LZTS1: variants seen among roughly 807,000 people sequenced by gnomAD.
LZTS1 encodes the protein leucine zipper tumor suppressor 1, also known as leucine zipper putative tumor suppressor 1.
Under a neutral mutation model 45.8 loss-of-function variants are expected in LZTS1, and 31 were observed. That is an observed-to-expected ratio of 0.68 (90% CI 0.51 to 0.91). The LOEUF is 0.91. Among genes scored for constraint, LZTS1 ranks in the 40% least tolerant of loss-of-function variants. The pLI, the probability that LZTS1 is intolerant of heterozygous loss-of-function variation, is 0.00. For synonymous variants in LZTS1, 359 were observed against 357.3 expected, an observed-to-expected ratio of 1.00 and a Z score of -0.05; for missense variants, 821 against 788.9, an observed-to-expected ratio of 1.04 and a Z score of -0.49.
In LZTS1 at chr8:20,265,015, G is replaced by C. The variant is rs889481035; in HGVS notation, c.-134-9700C>G. ...TTCAGCCTGTTGGGCTCACGGTGCT[G>C]CTTGAATCAGAGAGGGTCACCCTGT... On this transcript the variant is annotated intron_variant, in intron 1 of 3. Transcript: ENST00000381569. Among the ~76,000 whole-genome samples, 3 of 152,136 alleles carry C rather than the reference G, an allele frequency of 2.0e-5. No individual in the cohort carries two copies. In the East Asian group the frequency reaches 5.8e-4, roughly 29 times the overall value.
chr8:20,286,317 A>G (rs1800791290), intron 1 of LZTS1, among the ~76,000 whole-genome samples: 1 of 152,218 alleles, frequency 6.6e-6, no homozygotes, highest in African/African-American at 2.4e-5. Context: ...CCAAATTTAA[A>G]ATGAGCAAAA....
Position 20,249,591 on chromosome 8 carries a change from CG to C in LZTS1, c.*130del. 1 of 1,169,188 alleles carries C rather than the reference CG, an allele frequency of 8.6e-7. No individual in the cohort carries two copies. The highest frequency in any genetic ancestry group is 1.2e-6 in the Non-Finnish European group (1 of 847,830). The allele number at this position is 1,169,188 out of a possible 1,614,324, so 72.4% of individuals were successfully genotyped here. ...AGGAAAGGCCATCCTGCCCTCCCCT[CG>C]GGGGTCCTGGGTCTGTGTCCCAGGG... On this transcript the variant is annotated 3_prime_UTR_variant, in exon 4 of 4. Transcript: ENST00000381569.
chr8:20,250,078 G>A lies in LZTS1; in HGVS notation c.1435C>T (p.Arg479Trp), dbSNP rs1461997371. The A allele has an allele frequency of 7.5e-6, 12 of 1,606,338 alleles. No individual in the cohort carries two copies. Among genetic ancestry groups the A allele is most frequent in the East Asian group, 4.5e-5 (2 of 44,836 alleles). Residue 479 changes from arginine (R) to tryptophan (W), a missense_variant, in exon 4 of 4, where the codon CGG becomes TGG. Coordinates refer to ENST00000381569, the MANE Select transcript of LZTS1 (RefSeq NM_021020.5). ...NLLEQELQEL[R>W]AQAALARDMG... ...TCGCGGGCCAGGGCGGCCTGGGCCC[G>A]CAGCTCCTGCAGCTCCTGCTCCAGC...
intron 1 of LZTS1, among the ~76,000 whole-genome samples, chr8:20,258,804 T>C (rs1203446663): frequency 1.3e-5 from 2 of 152,222 alleles, no homozygotes; most frequent in Admixed American, 1.3e-4. Context: ...CCATCATCCC[T>C]ATGGATCTGG....
At position 20,272,710 on chromosome 8, in the gene LZTS1, G is replaced by T. The variant is rs531943286; in HGVS notation, c.-134-17395C>A. ...TGGGAGGAAACTCCCTCAATTCCCT[G>T]AACTCATAAACCTGCAATTGACATG... is the stretch of plus-strand genomic sequence containing the variant. On this transcript the variant is annotated intron_variant, in intron 1 of 3. Coordinates refer to ENST00000381569, the MANE Select transcript of LZTS1 (RefSeq NM_021020.5). Among the ~76,000 whole-genome samples the T allele has an allele frequency of 4.6e-5, 7 of 152,276 alleles. No individual in the cohort carries two copies. In the East Asian group the frequency reaches 9.7e-4, roughly 21 times the overall value.
chr8:20,294,641 T>G (rs1451861703), intron 1 of LZTS1, among the ~76,000 whole-genome samples: 1 of 152,110 alleles, frequency 6.6e-6, no homozygotes, highest in Non-Finnish European at 1.5e-5. Context: ...CGCTGTCCAG[T>G]CCATGCTTCC....
intron 1 of LZTS1, among the ~76,000 whole-genome samples, chr8:20,290,915 T>C (rs1001605348): frequency 6.6e-6 from 1 of 152,170 alleles, no homozygotes; most frequent in African/African-American, 2.4e-5. Context: ...GTCTGTCCCA[T>C]GCACGGGCTT....
At chr8:20,287,542 G>A (rs1403183159) in intron 1 of LZTS1, among the ~76,000 whole-genome samples, 1 of 152,194 alleles carries the variant, frequency 6.6e-6, no homozygotes. Flanking sequence ...CTCCTCTGCA[G>A]AATCTGTGCC....
intron 3 of LZTS1, 61 bp from the exon 4 acceptor site, chr8:20,250,424 A>T: frequency 6.7e-7 from 1 of 1,490,374 alleles, no homozygotes; most frequent in Non-Finnish European, 8.9e-7. Context: ...CAGGGAAGTG[A>T]CAGCTCAGCT....
chr8:20,265,808 G>A (rs957883292), intron 1 of LZTS1, among the ~76,000 whole-genome samples: 6 of 151,116 alleles, frequency 4.0e-5, no homozygotes, highest in East Asian at 1.9e-4. Flanking sequence ...CCTGCTCTGC[G>A]CAGAGGGCAG....
intron 1 of LZTS1, among the ~76,000 whole-genome samples, chr8:20,295,687 C>G (rs984998615): frequency 6.6e-6 from 1 of 152,148 alleles, no homozygotes; most frequent in Non-Finnish European, 1.5e-5. Context: ...GTGACAAGTA[C>G]GTTATACACT....
rs201291719 is a variant in LZTS1, at chr8:20,301,677, C to A, written c.-135+2063G>T. 1.6e-4 allele frequency among the ~76,000 whole-genome samples: 25 copies of A among 152,254 alleles called. No individual in the cohort carries two copies. The East Asian group carries it at 4.8e-3, about 29-fold the overall frequency. The stretch of plus-strand genomic sequence containing the variant: ...TAGCTTTGCTATACACGCTGACCCA[C>A]GGCTTCTCAAAACTGAAAGGCACAT... On this transcript the variant is annotated intron_variant, in intron 1 of 3. Coordinates refer to ENST00000381569, the MANE Select transcript of LZTS1 (RefSeq NM_021020.5).
At chr8:20,289,611 T>C (rs1800862704) in intron 1 of LZTS1, among the ~76,000 whole-genome samples, 1 of 152,142 alleles carries the variant, frequency 6.6e-6, no homozygotes, top group African/African-American at 2.4e-5. Flanking sequence ...GGCTCTGGGT[T>C]TGTGTGGCCA....
rs562861660 is a variant in LZTS1 at position 20,278,085 on chromosome 8, G to C, written c.-134-22770C>G. On this transcript the variant is annotated intron_variant, in intron 1 of 3. Coordinates refer to ENST00000381569, the MANE Select transcript of LZTS1 (RefSeq NM_021020.5). ...TGTCAGGTGACCATCAGATGGTCAG[G>C]TGGTTGTTACAGTGTGTCGCTGAAA... Among the ~76,000 whole-genome samples, 5 of 152,272 alleles carry C rather than the reference G, an allele frequency of 3.3e-5. No individual in the cohort carries two copies. The East Asian group carries it at 9.7e-4, about 29-fold the overall frequency.
chr8:20,288,209 G>A (rs113200070), intron 1 of LZTS1, among the ~76,000 whole-genome samples: 9 of 152,276 alleles, frequency 5.9e-5, no homozygotes, highest in African/African-American at 2.2e-4. Flanking sequence ...CCCCCACACA[G>A]CTGGGGGATT....
At chr8:20,273,913 T>TTCCTC (rs1245859174) in intron 1 of LZTS1, among the ~76,000 whole-genome samples, 4 of 152,066 alleles carry the variant, frequency 2.6e-5, no homozygotes, top group African/African-American at 9.7e-5. Context: ...CCGCCACCAC[T>TTCCTC]TCCTCTCCTC....
In LZTS1 at chr8:20,253,598, A is replaced by C; in HGVS notation, c.346-13T>G. On this transcript the variant is annotated splice_polypyrimidine_tract_variant and intron_variant, in intron 2 of 3. Transcript: ENST00000381569. ...CCTTCTCGGAGCCCTGTAGAGGAAA[A>C]GGACCGCGGTGACTCATGCCTCCCC... 7.0e-7 allele frequency: 1 copy of C among 1,437,604 alleles called. No individual in the cohort carries two copies. The highest frequency in any genetic ancestry group is 9.1e-7 in the Non-Finnish European group (1 of 1,097,408). The allele number at this position is 1,437,604 out of a possible 1,614,324, so 89.1% of individuals were successfully genotyped here. A position where few individuals can be genotyped will look rare whatever the true frequency, so the allele number is the denominator to read the frequency against.
chr8:20,287,376 C>T (rs1800810811), intron 1 of LZTS1, among the ~76,000 whole-genome samples: 1 of 152,254 alleles, frequency 6.6e-6, no homozygotes, highest in Non-Finnish European at 1.5e-5. Flanking sequence ...CAGGGCTGGA[C>T]ACTGCTGCTC....
At position 20,253,285 on chromosome 8, in the gene LZTS1, C is replaced by A. The variant is rs767033859; in HGVS notation, c.646G>T (p.Gly216Cys). The A allele has an allele frequency of 6.2e-7, 1 of 1,613,956 alleles. No individual in the cohort carries two copies. The highest frequency in any genetic ancestry group is 1.3e-5 in the African/African-American group (1 of 74,932). ...ATGTTGCTGTCCTGGAGGACGATGC[C>A]CTGGGTGATGTTGTGGGCGGAGCCC... Reference protein sequence around the residue: ...FGGSAHNITQGIVLQDSNMMS... With the variant: ...FGGSAHNITQCIVLQDSNMMS... Residue 216 changes from glycine to cysteine, a missense_variant, in exon 3 of 4, where the codon GGC becomes TGC. Physicochemically the swap from Gly to Cys is radical, Grantham distance 159 (BLOSUM62 -3). Coordinates refer to ENST00000381569, the MANE Select transcript of LZTS1 (RefSeq NM_021020.5).
Sources: gnomAD v4.1 joint callset for allele counts (sites outside exome capture counted in the v4.1 genomes callset) on GRCh38, gnomAD v4.1.1 for gene constraint, MANE v1.5 for transcripts, NCBI Gene and HGNC (gene_info 2026-07-23, HGNC 2026-07-21) for gene names.